TNKS: variants seen among roughly 807,000 people sequenced by gnomAD.
TNKS encodes the protein poly [ADP-ribose] polymerase tankyrase-1.
Under a neutral mutation model 135.8 loss-of-function variants are expected in TNKS, and 72 were observed. That is an observed-to-expected ratio of 0.53 (90% confidence interval 0.44 to 0.64). The LOEUF (loss-of-function observed/expected upper bound fraction) is 0.64. Among genes scored for constraint, TNKS ranks in the 30% least tolerant of loss-of-function variants. The pLI is 0.00. For missense variants in TNKS, 1,769 were observed against 1,674.0 expected, an observed-to-expected ratio of 1.06 and a Z score of -0.99; for synonymous variants, 849 against 649.3, an observed-to-expected ratio of 1.31 and a Z score of -4.68.
At chr8:9,656,391 T>G (rs80009473) in intron 3 of TNKS, among the ~76,000 whole-genome samples, 1 of 151,798 alleles carries the variant, frequency 6.6e-6, no homozygotes, top group Non-Finnish European at 1.5e-5. Context: ...TACAGAGAAC[T>G]CCACAAAGAT....
chr8:9,678,265 C>A (rs1270693010), intron 3 of TNKS, among the ~76,000 whole-genome samples: 3 of 152,118 alleles, frequency 2.0e-5, no homozygotes, highest in African/African-American at 7.2e-5. Context: ...ATGGGTTATG[C>A]CATTTTCCTC....
chr8:9,746,881 C>CTTTTTTTTTTTTTT lies in TNKS; in HGVS notation c.2644-1137_2644-1124dup, dbSNP rs10672387. Among the ~76,000 whole-genome samples, 37 of 117,182 alleles carry CTTTTTTTTTTTTTT rather than the reference C, an allele frequency of 3.2e-4. 1 individual carries two copies. The highest frequency in any genetic ancestry group is 1.2e-3 in the African/African-American group (32 of 27,532). 76.9% of individuals were successfully genotyped at this position (117,182 alleles called of 152,430 possible). A position where few individuals can be genotyped will look rare whatever the true frequency, so the allele number is the denominator to read the frequency against. On this transcript the variant is annotated intron_variant, in intron 17 of 26. Coordinates refer to ENST00000310430, the MANE Select transcript of TNKS (RefSeq NM_003747.3). Reference sequence around the variant, plus strand: ...TCTGAGAGTTTCATACCTACTTAAACTTTTTTTTTTTTTTTTTTTGAGACG... The same window carrying CTTTTTTTTTTTTTT: ...TCTGAGAGTTTCATACCTACTTAAACTTTTTTTTTTTTTTTTTTTTTTTTTTTTTTTTTGAGACG...
rs1007338826 is a variant in TNKS, at chr8:9,584,409, A to G, written c.898+4026A>G. ...ATTTTGTAAATGTAGAATTTTGAAT[A>G]CAAAATCTTAGCTATAGTAAGGAAT... On this transcript the variant is annotated intron_variant, in intron 2 of 26. Transcript: ENST00000310430. Among the ~76,000 whole-genome samples the G allele has an allele frequency of 1.1e-4, 17 of 152,302 alleles. 1 individual carries two copies. The highest frequency in any genetic ancestry group is 6.5e-4 in the Admixed American group (10 of 15,304).
At chr8:9,756,250 G>C (rs1806828528) in intron 20 of TNKS, among the ~76,000 whole-genome samples, 1 of 152,030 alleles carries the variant, frequency 6.6e-6, no homozygotes, top group African/African-American at 2.4e-5. Flanking sequence ...TATAAAGTTA[G>C]TTCTTATTAC....
intron 3 of TNKS, among the ~76,000 whole-genome samples, chr8:9,650,520 G>T (rs1020967640): frequency 1.3e-5 from 2 of 152,140 alleles, no homozygotes; most frequent in Non-Finnish European, 2.9e-5. Context: ...ACTTGCAGAA[G>T]TAAGATGGTA....
chr8:9,643,976 G>A (rs1800817194), intron 3 of TNKS, among the ~76,000 whole-genome samples: 1 of 152,154 alleles, frequency 6.6e-6, no homozygotes, highest in Admixed American at 6.5e-5. Context: ...TGCATAGCAT[G>A]GATGAACCTT....
chr8:9,591,380 T>A (rs751868845), intron 2 of TNKS, among the ~76,000 whole-genome samples: 8 of 152,216 alleles, frequency 5.3e-5, no homozygotes, highest in Non-Finnish European at 8.8e-5. Flanking sequence ...TTTGTAGCTG[T>A]TATAACGCTG....
At chr8:9,672,759 G>A (rs976934943) in intron 3 of TNKS, among the ~76,000 whole-genome samples, 1 of 142,960 alleles carries the variant, frequency 7.0e-6, no homozygotes, top group Non-Finnish European at 1.5e-5. Context: ...GCCCCTAGCT[G>A]CCATTAACAC....
intron 2 of TNKS, among the ~76,000 whole-genome samples, chr8:9,584,775 T>G (rs1798304144): frequency 6.6e-6 from 1 of 152,194 alleles, no homozygotes; most frequent in African/African-American, 2.4e-5. Context: ...TCTCTACAAT[T>G]CTCAAGAGTG....
chr8:9,565,317 G>T (rs1350195330), intron 1 of TNKS, among the ~76,000 whole-genome samples: 1 of 152,060 alleles, frequency 6.6e-6, no homozygotes, highest in African/African-American at 2.4e-5. Flanking sequence ...GGAAAATAAC[G>T]TGATGTAAAA....
intron 1 of TNKS, among the ~76,000 whole-genome samples, chr8:9,574,099 T>C (rs1797856544): frequency 6.6e-6 from 1 of 152,214 alleles, no homozygotes; most frequent in Admixed American, 6.5e-5. Context: ...GGCTATGTGT[T>C]AGGAATTTGG....
intron 12 of TNKS, among the ~76,000 whole-genome samples, chr8:9,721,537 A>G (rs1338976303): frequency 4.6e-5 from 7 of 151,746 alleles, no homozygotes; most frequent in Non-Finnish European, 1.5e-5. Context: ...CTATGGAATG[A>G]AATGACAAAC....
rs530427486 is a variant in TNKS at position 9,777,284 on chromosome 8, G to T, written c.*548G>T. ...CAAAGTCACGCTGACAAAATCATTA[G>T]CAGTGCAACCCAAGCTTCTGGCTGA... On this transcript the variant is annotated 3_prime_UTR_variant, in exon 27 of 27. Coordinates refer to ENST00000310430, the MANE Select transcript of TNKS (RefSeq NM_003747.3). 1 of 154,168 alleles carries T rather than the reference G, an allele frequency of 6.5e-6. No homozygotes were observed. Among genetic ancestry groups the T allele is most frequent in the Non-Finnish European group, 1.5e-5 (1 of 68,912 alleles). 9.6% of individuals were successfully genotyped at this position (154,168 alleles called of 1,614,324 possible). A position where few individuals can be genotyped will look rare whatever the true frequency, so the allele number is the denominator to read the frequency against.
intron 3 of TNKS, among the ~76,000 whole-genome samples, chr8:9,655,908 G>A (rs1270549187): frequency 4.6e-5 from 7 of 152,200 alleles, no homozygotes; most frequent in Admixed American, 3.3e-4. Context: ...GCCTTGATGA[G>A]TTGAGAGAAG....
intron 20 of TNKS, among the ~76,000 whole-genome samples, chr8:9,753,079 A>G (rs963768634): frequency 2.6e-5 from 4 of 152,138 alleles, no homozygotes; most frequent in Non-Finnish European, 5.9e-5. Flanking sequence ...AGAGGAGCCC[A>G]GTATTTTATA....
At chr8:9,634,806 G>A (rs769431911) in intron 3 of TNKS, among the ~76,000 whole-genome samples, 1 of 150,050 alleles carries the variant, frequency 6.7e-6, no homozygotes, top group Non-Finnish European at 1.5e-5. Context: ...CCAAAACTTT[G>A]AAAAAAAAAT....
intron 3 of TNKS, among the ~76,000 whole-genome samples, chr8:9,659,004 G>C (rs776917729): frequency 2.0e-5 from 3 of 152,196 alleles, no homozygotes; most frequent in Non-Finnish European, 4.4e-5. Context: ...TTACATAATG[G>C]TAAAGGGATC....
At chr8:9,693,207 G>C (rs978083862) in intron 5 of TNKS, among the ~76,000 whole-genome samples, 7 of 152,074 alleles carry the variant, frequency 4.6e-5, no homozygotes, top group African/African-American at 1.4e-4. Context: ...AATAATTATG[G>C]TACAGCCACA....
At chr8:9,622,684 C>G (rs937301608) in intron 3 of TNKS, among the ~76,000 whole-genome samples, 1 of 152,140 alleles carries the variant, frequency 6.6e-6, no homozygotes, top group East Asian at 1.9e-4. Flanking sequence ...GGGCTTAAAT[C>G]TAGTCTGTTA....
Sources: allele counts gnomAD v4.1 joint callset (sites outside exome capture counted in the v4.1 genomes callset), GRCh38; gene constraint gnomAD v4.1.1; transcripts MANE v1.5; gene names NCBI Gene and HGNC (gene_info 2026-07-23, HGNC 2026-07-21).